Variants in SPIRE1 observed in about 807,000 individuals in gnomAD.
SPIRE1 encodes the protein spire type actin nucleation factor 1.
SPIRE1 carries 40 observed loss-of-function variants against 94.1 expected under a neutral mutation model. That is an observed-to-expected ratio of 0.43 (90% confidence interval 0.33 to 0.55). The LOEUF (loss-of-function observed/expected upper bound fraction) is 0.55, where lower values mean the gene tolerates loss of function less well. Among genes scored for constraint, SPIRE1 ranks in the 20% least tolerant of loss-of-function variants. The pLI is 0.06. For synonymous variants in SPIRE1, 376 were observed against 371.7 expected, an observed-to-expected ratio of 1.01 and a Z score of -0.13; for missense variants, 838 against 975.2, an observed-to-expected ratio of 0.86 and a Z score of 1.87.
chr18:12,609,334 C>G (rs2037074505), intron 2 of SPIRE1, among the ~76,000 whole-genome samples: 1 of 152,184 alleles, frequency 6.6e-6, no homozygotes, highest in Non-Finnish European at 1.5e-5. Flanking sequence ...GAGAGCCAAG[C>G]TGTCCAATAT....
intron 10 of SPIRE1, among the ~76,000 whole-genome samples, chr18:12,474,673 C>A (rs138600879): frequency 1.3e-5 from 2 of 152,142 alleles, no homozygotes; most frequent in African/African-American, 4.8e-5. Flanking sequence ...ATTACAAAAA[C>A]TAGCTGAGTG....
intron 2 of SPIRE1, among the ~76,000 whole-genome samples, chr18:12,593,980 C>T (rs1262959945): frequency 1.3e-5 from 2 of 151,506 alleles, no homozygotes; most frequent in African/African-American, 4.9e-5. Flanking sequence ...AAGAAGAAAG[C>T]ATGCAATTAA....
At chr18:12,661,232 C>T (rs541216087), upstream of SPIRE1, 4 of 233,724 alleles carry the variant, frequency 1.7e-5, no homozygotes, top group African/African-American at 9.3e-5. Context: ...CACTTGAACC[C>T]GGGAGGCGGA....
chr18:12,479,632 T>A (rs747369722), intron 10 of SPIRE1, 67 bp downstream of exon 10: 21 of 1,403,322 alleles, frequency 1.5e-5, no homozygotes, highest in Non-Finnish European at 2.0e-5. Flanking sequence ...AGATAATCAG[T>A]AAACTGCATC....
intron 12 of SPIRE1, among the ~76,000 whole-genome samples, chr18:12,460,079 C>T (rs2031715403): frequency 6.6e-6 from 1 of 152,248 alleles, no homozygotes; most frequent in Non-Finnish European, 1.5e-5. Context: ...TCCGTGCGAA[C>T]ATCTGCATCC....
chr18:12,637,076 T>C (rs2037950052), intron 1 of SPIRE1, among the ~76,000 whole-genome samples: 2 of 151,950 alleles, frequency 1.3e-5, no homozygotes, highest in African/African-American at 4.8e-5. Context: ...AGTATATGAG[T>C]TGGCCAAGTG....
At chr18:12,469,038 T>C (rs1184389983) in intron 10 of SPIRE1, among the ~76,000 whole-genome samples, 2 of 152,146 alleles carry the variant, frequency 1.3e-5, no homozygotes, top group Non-Finnish European at 2.9e-5. Context: ...CCCTGTAGCC[T>C]GAGTGACAGA....
In SPIRE1 at chr18:12,657,544, G is replaced by C; in HGVS notation, c.323C>G (p.Pro108Arg). ...LAPAADDAGEPPPVAGKLGYS... is the reference protein window; with the variant it reads ...LAPAADDAGERPPVAGKLGYS... ...GGCGGCCTCACCCGCAACTGGGGGC[G>C]GCTCTCCCGCGTCGTCGGCCGCGGG... The change falls in exon 1 of 17, where the codon CCG (proline) becomes CGG (arginine). Residue 108 changes from proline to arginine, a missense_variant. Coordinates refer to ENST00000409402, the MANE Select transcript of SPIRE1 (RefSeq NM_001128626.2). The C allele has an allele frequency of 3.2e-6, 4 of 1,233,676 alleles. No individual in the cohort carries two copies. Among genetic ancestry groups the C allele is most frequent in the Non-Finnish European group, 4.0e-6 (4 of 988,666 alleles). 76.4% of individuals were successfully genotyped at this position (1,233,676 alleles called of 1,614,324 possible).
intron 6 of SPIRE1, among the ~76,000 whole-genome samples, chr18:12,505,552 C>CAAA (rs57390189): frequency 8.0e-5 from 9 of 112,770 alleles, no homozygotes; most frequent in Non-Finnish European, 1.2e-4. Flanking sequence ...GACCCTGTCT[C>CAAA]AAAAAAAAAA....
chr18:12,474,129 G>A (rs368491163), intron 10 of SPIRE1, among the ~76,000 whole-genome samples: 5 of 152,212 alleles, frequency 3.3e-5, no homozygotes, highest in South Asian at 2.1e-4. Flanking sequence ...TTACATACAC[G>A]TGACAGCATT....
chr18:12,617,794 G>T (rs1327052964), intron 2 of SPIRE1, among the ~76,000 whole-genome samples: 1 of 152,072 alleles, frequency 6.6e-6, no homozygotes, highest in Non-Finnish European at 1.5e-5. Context: ...GACCTCAAGT[G>T]ATCCACCAGC....
intron 3 of SPIRE1, among the ~76,000 whole-genome samples, chr18:12,541,567 T>G (rs965007734): frequency 5.1e-4 from 77 of 152,348 alleles, no homozygotes; most frequent in African/African-American, 1.8e-3. Flanking sequence ...GTAAGCATCC[T>G]TTTTTATCTC....
Position 12,626,886 on chromosome 18 carries a change from A to ATTT in SPIRE1, c.372+8173_372+8175dup, listed in dbSNP as rs1194431610. On this transcript the variant is annotated intron_variant, in intron 2 of 16. Coordinates refer to ENST00000409402, the MANE Select transcript of SPIRE1 (RefSeq NM_001128626.2). ...CTGTAAAATATATATATATATATAT[A>ATTT]TTTTTTTTTTTTTTTTGCCCAGAGG... Among the ~76,000 whole-genome samples the ATTT allele has an allele frequency of 5.2e-3, 584 of 111,878 alleles. 8 individuals carry two copies. Among genetic ancestry groups the ATTT allele is most frequent in the Middle Eastern group, 0.016 (2 of 122 alleles). The allele number at this position is 111,878 out of a possible 152,430, so 73.4% of individuals were successfully genotyped here.
chr18:12,560,761 A>T (rs1465775585), intron 2 of SPIRE1, among the ~76,000 whole-genome samples: 1 of 152,212 alleles, frequency 6.6e-6, no homozygotes, highest in East Asian at 1.9e-4. Flanking sequence ...CTGAGGTGGG[A>T]GAACTGCTGG....
intron 10 of SPIRE1, among the ~76,000 whole-genome samples, chr18:12,478,117 T>C (rs950081949): frequency 8.6e-5 from 13 of 151,980 alleles, no homozygotes; most frequent in African/African-American, 2.9e-4. Flanking sequence ...GCAAAATTAT[T>C]ATTGGTATTG....
chr18:12,466,543 G>A (rs931395286), intron 10 of SPIRE1, among the ~76,000 whole-genome samples: 9 of 152,106 alleles, frequency 5.9e-5, no homozygotes, highest in East Asian at 5.8e-4. Context: ...GCCTCCCAAA[G>A]TGCTGGGATT....
At chr18:12,641,252 T>A (rs2038074949) in intron 1 of SPIRE1, among the ~76,000 whole-genome samples, 1 of 152,212 alleles carries the variant, frequency 6.6e-6, no homozygotes, top group Non-Finnish European at 1.5e-5. Context: ...TTATTAAATA[T>A]GCTTCTGGGA....
At chr18:12,626,836 A>C (rs534298239) in intron 2 of SPIRE1, among the ~76,000 whole-genome samples, 2 of 149,608 alleles carry the variant, frequency 1.3e-5, no homozygotes, top group South Asian at 4.2e-4. Context: ...ATTAATGTCT[A>C]TAACAGTACT....
At chr18:12,657,484 G>C in intron 1 of SPIRE1, 46 bp downstream of exon 1, 2 of 1,215,202 alleles carry the variant, frequency 1.6e-6, no homozygotes, top group Non-Finnish European at 2.1e-6. Context: ...CGGCCCAGCC[G>C]CGGGTGTTCC....
Sources: allele counts gnomAD v4.1 joint callset (sites outside exome capture counted in the v4.1 genomes callset), GRCh38; gene constraint gnomAD v4.1.1; transcripts MANE v1.5; gene names NCBI Gene and HGNC (gene_info 2026-07-23, HGNC 2026-07-21).